Variants in ANKRD55 observed in about 807,000 individuals in gnomAD.
ANKRD55 encodes the protein ankyrin repeat domain-containing protein 55.
A neutral mutation model predicts 60.6 loss-of-function variants in ANKRD55; 41 were observed. That is an observed-to-expected ratio of 0.68 (90% CI 0.53 to 0.88). The LOEUF is 0.88. Among genes scored for constraint, ANKRD55 ranks in the 40% least tolerant of loss-of-function variants. ANKRD55 has a pLI of 0.00. For synonymous variants in ANKRD55, 264 were observed against 290.3 expected (o/e 0.91, Z 0.92); for missense variants, 732 against 767.6 (o/e 0.95, Z 0.55).
At chr5:56,206,386 G>A (rs1759510104) in intron 2 of ANKRD55, among the ~76,000 whole-genome samples, 2 of 152,116 alleles carry the variant, frequency 1.3e-5, no homozygotes, top group Admixed American at 6.5e-5. Flanking sequence ...AGTAGTTCCC[G>A]AATGACTGGA....
intron 7 of ANKRD55, among the ~76,000 whole-genome samples, chr5:56,129,819 G>A (rs1013221991): frequency 2.0e-5 from 3 of 152,184 alleles, no homozygotes; most frequent in Non-Finnish European, 2.9e-5. Context: ...ACCATATAAA[G>A]CAGAGGCCAG....
At chr5:56,150,463 G>T (rs967809484) in intron 6 of ANKRD55, among the ~76,000 whole-genome samples, 3 of 152,106 alleles carry the variant, frequency 2.0e-5, no homozygotes, top group Admixed American at 2.0e-4. Flanking sequence ...AATTAGTTGG[G>T]TATGGTGGTA....
intron 2 of ANKRD55, chr5:56,193,635 T>G (rs1759161437): frequency 3.4e-6 from 1 of 294,436 alleles, no homozygotes; most frequent in Admixed American, 3.9e-5. Context: ...CAGGAAACCC[T>G]TGAAAGAAAA....
intron 8 of ANKRD55, among the ~76,000 whole-genome samples, chr5:56,124,880 C>T (rs746952390): frequency 7.2e-5 from 11 of 152,166 alleles, no homozygotes; most frequent in Middle Eastern, 3.4e-3. Flanking sequence ...CTGCAGAAAA[C>T]GTGGAAAAAA....
At chr5:56,174,769 C>G in intron 4 of ANKRD55, among the ~76,000 whole-genome samples, 1 of 148,008 alleles carries the variant, frequency 6.8e-6, no homozygotes, top group African/African-American at 2.5e-5. Flanking sequence ...GAGGCAGAGT[C>G]TGCAGTGAGC....
In ANKRD55 at chr5:56,105,691, C is replaced by A. The variant is rs149328788; in HGVS notation, c.1631-3105G>T. 4.2e-3 allele frequency among the ~76,000 whole-genome samples: 646 copies of A among 152,178 alleles called. 3 individuals carry two copies. The highest frequency in any genetic ancestry group is 0.014 in the African/African-American group (597 of 41,544). Reference sequence around the variant, plus strand: ...ACCATGCCGTGAGGTCTGACCATGCCGTGAGGGCTTTGTTTGCCCAGTTTA... The same window carrying A: ...ACCATGCCGTGAGGTCTGACCATGCAGTGAGGGCTTTGTTTGCCCAGTTTA... On this transcript the variant is annotated intron_variant, in intron 10 of 11. Coordinates refer to ENST00000341048, the MANE Select transcript of ANKRD55 (RefSeq NM_024669.3).
At chr5:56,147,376 T>C (rs1757923150) in intron 6 of ANKRD55, among the ~76,000 whole-genome samples, 1 of 152,230 alleles carries the variant, frequency 6.6e-6, no homozygotes, top group Non-Finnish European at 1.5e-5. Context: ...TTCTTTGTAA[T>C]TGTAGCTGGA....
chr5:56,231,578 G>A (rs1027575531), intron 2 of ANKRD55, among the ~76,000 whole-genome samples: 1 of 151,880 alleles, frequency 6.6e-6, no homozygotes, highest in Non-Finnish European at 1.5e-5. Context: ...ATGGTGGTGG[G>A]CACAGCTGTG....
At chr5:56,134,580 CA>C (rs56053693) in intron 7 of ANKRD55, among the ~76,000 whole-genome samples, 67,259 of 107,054 alleles carry the variant, frequency 0.63, 20,309 homozygotes, top group African/African-American at 0.74. Context: ...GACTCTGTCT[CA>C]AAAAAAAAAA....
At chr5:56,184,174 G>A (rs867869928) in intron 2 of ANKRD55, among the ~76,000 whole-genome samples, 1 of 152,210 alleles carries the variant, frequency 6.6e-6, no homozygotes, top group South Asian at 2.1e-4. Flanking sequence ...TGAGAGGCAC[G>A]GGCAGGAGCC....
In ANKRD55 at chr5:56,148,851, AG is replaced by A. The variant is rs1175144260; in HGVS notation, c.484-4923del. On this transcript the variant is annotated intron_variant, in intron 6 of 11. Coordinates refer to ENST00000341048, the MANE Select transcript of ANKRD55 (RefSeq NM_024669.3). ...TTGGCGGTTCGGGGTGGGGTGGTGG[AG>A]GGGGAGGGTTAAGAATTATAGCAGG... 4.7e-5 allele frequency among the ~76,000 whole-genome samples: 7 copies of A among 150,066 alleles called. No individual in the cohort carries two copies. In the South Asian group the frequency reaches 6.4e-4, roughly 14 times the overall value.
intron 2 of ANKRD55, among the ~76,000 whole-genome samples, chr5:56,219,030 T>G (rs533916038): frequency 2.0e-5 from 3 of 152,284 alleles, no homozygotes; most frequent in African/African-American, 7.2e-5. Context: ...CCCAGCACTT[T>G]GGGAGGCCGA....
intron 5 of ANKRD55, among the ~76,000 whole-genome samples, chr5:56,161,144 A>ATT (rs75300974): frequency 1.6e-4 from 23 of 145,982 alleles, no homozygotes; most frequent in African/African-American, 5.5e-4. Flanking sequence ...GCCTGGAGAG[A>ATT]TTTTTTTTTT....
chr5:56,135,608 A>G (rs767672141), intron 7 of ANKRD55, among the ~76,000 whole-genome samples: 4 of 151,988 alleles, frequency 2.6e-5, no homozygotes, highest in African/African-American at 9.7e-5. Flanking sequence ...GCCTCAAGCA[A>G]TCTGCCTGCA....
chr5:56,193,016 C>A (rs571737305), intron 2 of ANKRD55: 3 of 983,760 alleles, frequency 3.0e-6, no homozygotes, highest in South Asian at 3.0e-5. Flanking sequence ...TGTTCATGAA[C>A]ATCATTTAGA....
chr5:56,170,442 T>C (rs1316007201), intron 5 of ANKRD55, among the ~76,000 whole-genome samples: 3 of 152,164 alleles, frequency 2.0e-5, no homozygotes, highest in Admixed American at 1.3e-4. Context: ...TGAATGAATA[T>C]ATGAATTCTG....
chr5:56,122,737 G>C (rs556618294), intron 8 of ANKRD55, among the ~76,000 whole-genome samples: 3 of 151,694 alleles, frequency 2.0e-5, no homozygotes, highest in Non-Finnish European at 2.9e-5. Context: ...TTTTCTGGGG[G>C]TGTAGGGAGA....
chr5:56,166,090 CTT>C (rs1491401425), intron 5 of ANKRD55, among the ~76,000 whole-genome samples: 1 of 18,538 alleles, frequency 5.4e-5, no homozygotes, highest in Non-Finnish European at 1.5e-4. Flanking sequence ...TTTTCTTTTT[CTT>C]TCTTTCTTTC....
chr5:56,124,070 G>GA (rs1443279807), intron 8 of ANKRD55, among the ~76,000 whole-genome samples: 2 of 152,180 alleles, frequency 1.3e-5, no homozygotes, highest in Non-Finnish European at 2.9e-5. Flanking sequence ...AATGATTAAT[G>GA]AAACATGTAA....
Sources: gnomAD v4.1 joint callset for allele counts (sites outside exome capture counted in the v4.1 genomes callset) on GRCh38, gnomAD v4.1.1 for gene constraint, MANE v1.5 for transcripts, NCBI Gene and HGNC (gene_info 2026-07-23, HGNC 2026-07-21) for gene names.